Variants in SCN10A observed in about 807,000 individuals in gnomAD.
The protein encoded by SCN10A is sodium voltage-gated channel alpha subunit 10, also known as sodium channel protein type 10 subunit alpha.
A neutral mutation model predicts 170.7 loss-of-function variants in SCN10A; 162 were observed. That is an observed-to-expected ratio of 0.95 (90% CI 0.84 to 1.08). The LOEUF is 1.08. Ranked by LOEUF, SCN10A falls within the 50% of genes least tolerant of loss-of-function variation. The pLI, the probability that SCN10A is intolerant of heterozygous loss-of-function variation, is 0.00. For missense variants in SCN10A, 2,527 were observed against 2,436.9 expected (o/e 1.04, Z -0.78); for synonymous variants, 985 against 904.6 (o/e 1.09, Z -1.59).
intron 4 of SCN10A, among the ~76,000 whole-genome samples, chr3:38,782,852 A>G (rs4622847): frequency 0.75 from 113,885 of 152,058 alleles, 43,347 homozygotes; most frequent in African/African-American, 0.86. Context: ...TAAATTAATT[A>G]TTTTAAAACA....
At chr3:38,712,508 T>G (rs1304380873) in intron 22 of SCN10A, 63 bp from the exon 23 acceptor site, 1 of 1,542,088 alleles carries the variant, frequency 6.5e-7, no homozygotes, top group East Asian at 2.3e-5. Context: ...CTGGATTCTA[T>G]CTCTTTCTAT....
chr3:38,769,031 G>A (rs1025648662), intron 5 of SCN10A, among the ~76,000 whole-genome samples: 12 of 151,946 alleles, frequency 7.9e-5, no homozygotes, highest in African/African-American at 2.7e-4. Flanking sequence ...TCTTCTACTT[G>A]TTCTAGTCTA....
chr3:38,763,853 T>A (rs2063903068), intron 5 of SCN10A, among the ~76,000 whole-genome samples: 1 of 152,040 alleles, frequency 6.6e-6, no homozygotes, highest in East Asian at 1.9e-4. Context: ...AACACAGGAG[T>A]TTGACCAACC....
chr3:38,762,443 G>C (rs62244075), intron 6 of SCN10A, among the ~76,000 whole-genome samples: 30,774 of 152,042 alleles, frequency 0.2, 3,712 homozygotes, highest in East Asian at 0.4. Flanking sequence ...CCTGAGGAAT[G>C]AGTGTGAGTT....
At chr3:38,792,473 G>A (rs2064295320) in intron 2 of SCN10A, among the ~76,000 whole-genome samples, 1 of 152,158 alleles carries the variant, frequency 6.6e-6, no homozygotes, top group Admixed American at 6.6e-5. Context: ...GTTATGCCCA[G>A]GGGAGGACTC....
chr3:38,762,622 G>T (rs959649505), intron 6 of SCN10A, among the ~76,000 whole-genome samples: 3 of 152,124 alleles, frequency 2.0e-5, no homozygotes, highest in Non-Finnish European at 2.9e-5. Flanking sequence ...GACAGACCAG[G>T]TCTTGCAAAT....
At chr3:38,725,524 A>T (rs1038235850) in intron 17 of SCN10A, among the ~76,000 whole-genome samples, 1 of 152,276 alleles carries the variant, frequency 6.6e-6, no homozygotes, top group Non-Finnish European at 1.5e-5. Flanking sequence ...TCCATTAATT[A>T]TAAGATGTGT....
chr3:38,724,573 C>A (rs1265239195), intron 18 of SCN10A, among the ~76,000 whole-genome samples: 1 of 152,194 alleles, frequency 6.6e-6, no homozygotes, highest in Non-Finnish European at 1.5e-5. Context: ...GAGAGCCTCT[C>A]CCTAGCCCCA....
At chr3:38,708,351 T>C (rs1298778174) in intron 25 of SCN10A, among the ~76,000 whole-genome samples, 1 of 152,104 alleles carries the variant, frequency 6.6e-6, no homozygotes, top group Non-Finnish European at 1.5e-5. Flanking sequence ...TTACCTAATA[T>C]CTCCCTCTGT....
intron 20 of SCN10A, among the ~76,000 whole-genome samples, chr3:38,720,270 G>T (rs76784957): frequency 0.04 from 6,128 of 152,252 alleles, 150 homozygotes; most frequent in Non-Finnish European, 0.064. Context: ...AAATTATAAA[G>T]GAATATGTTA....
rs1184639473 is a variant in SCN10A, at chr3:38,697,050, T to C, written c.*299A>G. 1 of 393,746 alleles carries C rather than the reference T, an allele frequency of 2.5e-6. No homozygotes were observed. Among genetic ancestry groups the C allele is most frequent in the African/African-American group, 2.0e-5 (1 of 49,816 alleles). The allele number at this position is 393,746 out of a possible 1,614,324, so 24.4% of individuals were successfully genotyped here. A position where few individuals can be genotyped will look rare whatever the true frequency, so the allele number is the denominator to read the frequency against. Reference sequence around the variant, plus strand: ...GAAGTTTGTCTCAGTAAATATAATCTGATTACAACAAAAATAAAAGGACAA... The same window carrying C: ...GAAGTTTGTCTCAGTAAATATAATCCGATTACAACAAAAATAAAAGGACAA... On this transcript the variant is annotated 3_prime_UTR_variant, in exon 28 of 28. Transcript: ENST00000449082.
intron 6 of SCN10A, among the ~76,000 whole-genome samples, chr3:38,763,163 T>A (rs112821664): frequency 1.7e-4 from 26 of 152,296 alleles, no homozygotes; most frequent in African/African-American, 5.8e-4. Context: ...AATCCTTTAG[T>A]TTAAGGTATA....
At chr3:38,717,081 T>A (rs1177251473) in intron 21 of SCN10A, among the ~76,000 whole-genome samples, 1 of 151,822 alleles carries the variant, frequency 6.6e-6, no homozygotes, top group Non-Finnish European at 1.5e-5. Context: ...GATAGAAGAA[T>A]GAATCAAAAG....
At chr3:38,792,198 T>C in intron 2 of SCN10A, 30 bp from the exon 3 acceptor site, 1 of 1,609,772 alleles carries the variant, frequency 6.2e-7, no homozygotes, top group Non-Finnish European at 8.5e-7. Flanking sequence ...AAAGTGGACC[T>C]CCAATGAGAA....
chr3:38,723,292 G>T (rs1575956068), intron 19 of SCN10A, 138 bp downstream of exon 19: 1 of 1,024,612 alleles, frequency 9.8e-7, no homozygotes, highest in Non-Finnish European at 1.5e-6. Flanking sequence ...GTCTGATGCG[G>T]GCGCCCTCAA....
intron 15 of SCN10A, among the ~76,000 whole-genome samples, chr3:38,736,011 T>A (rs570137634): frequency 6.6e-6 from 1 of 152,270 alleles, no homozygotes; most frequent in East Asian, 1.9e-4. Context: ...CTTTAGATAG[T>A]GTGGTTGGGG....
chr3:38,697,961 T>C lies in SCN10A; in HGVS notation c.5259A>G (p.Pro1753=). 3 of 1,614,184 alleles carry C rather than the reference T, an allele frequency of 1.9e-6. No individual in the cohort carries two copies. The highest frequency in any genetic ancestry group is 2.5e-6 in the Non-Finnish European group (3 of 1,180,040). The part of the protein sequence containing the change: ...MFYETWEKFD[P]EATQFITFSA... ...AAAAGGTAATAAACTGAGTGGCCTCTGGGTCAAACTTCTCCCAGGTCTCAT... is the reference window on the plus strand; with the variant it reads ...AAAAGGTAATAAACTGAGTGGCCTCCGGGTCAAACTTCTCCCAGGTCTCAT... Residue 1753 remains proline (P), a synonymous_variant, in exon 28 of 28, where the codon CCA becomes CCG. Coordinates refer to ENST00000449082, the MANE Select transcript of SCN10A (RefSeq NM_006514.4).
At chr3:38,706,997 A>G (rs1444520614) in intron 26 of SCN10A, among the ~76,000 whole-genome samples, 1 of 152,174 alleles carries the variant, frequency 6.6e-6, no homozygotes, top group Non-Finnish European at 1.5e-5. Context: ...CCTGCCTCCA[A>G]TCCTGTACTT....
chr3:38,792,095 G>C lies in SCN10A; in HGVS notation c.344C>G (p.Pro115Arg), dbSNP rs760579685. The C allele has an allele frequency of 3.1e-6, 5 of 1,613,874 alleles. No individual in the cohort carries two copies. The highest frequency in any genetic ancestry group is 4.2e-6 in the Non-Finnish European group (5 of 1,179,846). ...SATRALWLFS[P>R]FNLIRRTAIK... The stretch of plus-strand genomic sequence containing the variant: ...GGCCGTTCTTCTGATCAGGTTGAAA[G>C]GACTGAATAGCCACAGGGCCCGAGT... Residue 115 changes from proline to arginine, a missense_variant, in exon 3 of 28, where the codon CCT becomes CGT. Physicochemically the swap from Pro to Arg is moderately radical, Grantham distance 103 (BLOSUM62 -2). Coordinates refer to ENST00000449082, the MANE Select transcript of SCN10A (RefSeq NM_006514.4).
Sources: gnomAD v4.1 joint callset for allele counts (sites outside exome capture counted in the v4.1 genomes callset) on GRCh38, gnomAD v4.1.1 for gene constraint, MANE v1.5 for transcripts, NCBI Gene and HGNC (gene_info 2026-07-23, HGNC 2026-07-21) for gene names.